Variants in SP140L observed in about 807,000 individuals in gnomAD.
The protein encoded by SP140L is nuclear body protein SP140-like protein.
In SP140L, 64 loss-of-function variants were observed where a neutral mutation model predicts 84.3. The observed-to-expected ratio is 0.76, with a 90% CI of 0.62 to 0.94. The LOEUF (loss-of-function observed/expected upper bound fraction) is 0.94. Ranked by LOEUF, SP140L falls within the 40% of genes least tolerant of loss-of-function variation. The pLI, the probability that SP140L is intolerant of heterozygous loss-of-function variation, is 0.00. For synonymous variants in SP140L, 242 were observed against 236.9 expected (o/e 1.02, Z -0.20); for missense variants, 628 against 692.5 (o/e 0.91, Z 1.05).
chr2:230,346,828 C>T (rs572447665), intron 2 of SP140L, among the ~76,000 whole-genome samples: 4 of 152,138 alleles, frequency 2.6e-5, no homozygotes, highest in South Asian at 2.1e-4. Context: ...TGTAGTTCAC[C>T]GAACTTTTTA....
At chr2:230,389,392 G>A (rs2061711632) in intron 10 of SP140L, among the ~76,000 whole-genome samples, 1 of 152,106 alleles carries the variant, frequency 6.6e-6, no homozygotes, top group African/African-American at 2.4e-5. Flanking sequence ...TCCTTTCTCA[G>A]CTGTGGAGAA....
rs1293722755 is a variant in SP140L at position 230,361,676 on chromosome 2, A to G, written c.502A>G (p.Ile168Val). 6.4e-7 allele frequency: 1 copy of G among 1,561,394 alleles called. No individual in the cohort carries two copies. Among genetic ancestry groups the G allele is most frequent in the Non-Finnish European group, 8.7e-7 (1 of 1,151,670 alleles). Reference sequence around the variant, plus strand: ...AAAAGAAAGGGAAGAGAGGCCTGACATCAAACTAAGTCTTAAACAAGGTAA... The same window carrying G: ...AAAAGAAAGGGAAGAGAGGCCTGACGTCAAACTAAGTCTTAAACAAGGTAA... ...DRKEREERPD[I>V]KLSLKQGEVP... The change falls in exon 5 of 19, where the codon ATC (isoleucine) becomes GTC (valine). Residue 168 changes from isoleucine (I) to valine (V), a missense_variant. Transcript: ENST00000415673.
intron 15 of SP140L, 110 bp from the exon 16 acceptor site, chr2:230,400,845 T>G: frequency 1.3e-6 from 2 of 1,568,340 alleles, no homozygotes; most frequent in Non-Finnish European, 1.7e-6. Flanking sequence ...TTCCCCTCCC[T>G]CCCATGACTG....
intron 13 of SP140L, among the ~76,000 whole-genome samples, chr2:230,395,257 C>A (rs1575548170): frequency 6.6e-6 from 1 of 152,140 alleles, no homozygotes; most frequent in African/African-American, 2.4e-5. Context: ...TACTAAATTC[C>A]AATGGCATTA....
At position 230,396,782 on chromosome 2, in the gene SP140L, G is replaced by T; in HGVS notation, c.1181G>T (p.Ser394Ile). ...AGAATACTGAAGTCTCAAAACAATA[G>T]CTCAGTTGACCCTTGTGTAAGTATA... is the stretch of plus-strand genomic sequence containing the variant. Reference protein sequence around the residue: ...KKRILKSQNNSSVDPCMRNLD... With the variant: ...KKRILKSQNNISVDPCMRNLD... The change falls in exon 14 of 19, where the codon AGC becomes ATC. Residue 394 changes from serine to isoleucine, a missense_variant. By Grantham distance (142) the Ser-to-Ile change is moderately radical. Transcript: ENST00000415673. The T allele has an allele frequency of 6.2e-7, 1 of 1,613,912 alleles. No homozygotes were observed. The highest frequency in any genetic ancestry group is 8.5e-7 in the Non-Finnish European group (1 of 1,179,904).
intron 9 of SP140L, among the ~76,000 whole-genome samples, chr2:230,388,019 G>C (rs1312892103): frequency 6.6e-6 from 1 of 152,152 alleles, no homozygotes; most frequent in East Asian, 1.9e-4. Flanking sequence ...ACCTAATAGG[G>C]TTTCCCTTAA....
intron 2 of SP140L, among the ~76,000 whole-genome samples, chr2:230,334,983 C>G (rs1023270665): frequency 6.6e-5 from 10 of 151,926 alleles, no homozygotes; most frequent in Non-Finnish European, 1.3e-4. Flanking sequence ...AAAGTTGTAT[C>G]GAAATTTCTC....
At chr2:230,385,148 C>A in intron 8 of SP140L, 76 bp from the exon 9 acceptor site, 1 of 1,450,506 alleles carries the variant, frequency 6.9e-7, no homozygotes, top group Admixed American at 1.8e-5. Context: ...AGGACTCCCT[C>A]ACTTGCGTTT....
chr2:230,350,466 G>A (rs957756923), intron 2 of SP140L, among the ~76,000 whole-genome samples: 6 of 152,036 alleles, frequency 3.9e-5, no homozygotes, highest in African/African-American at 9.7e-5. Flanking sequence ...TGTTGTTGTC[G>A]TTTTGCTACT....
intron 8 of SP140L, among the ~76,000 whole-genome samples, chr2:230,384,377 T>C (rs774336238): frequency 1.3e-5 from 2 of 152,192 alleles, no homozygotes; most frequent in Non-Finnish European, 2.9e-5. Flanking sequence ...TTATTTATTT[T>C]AGTCATGGTC....
intron 5 of SP140L, among the ~76,000 whole-genome samples, chr2:230,362,265 C>A (rs1015480236): frequency 5.9e-5 from 9 of 152,154 alleles, no homozygotes; most frequent in African/African-American, 1.7e-4. Context: ...GGTTGTTATG[C>A]ATAACAGGAA....
intron 2 of SP140L, among the ~76,000 whole-genome samples, chr2:230,345,612 T>G (rs71415748): frequency 6.6e-6 from 1 of 151,864 alleles, no homozygotes. Flanking sequence ...TTTTTTCTTG[T>G]GGCATTCCTT....
chr2:230,331,379 C>A (rs1245631545), intron 2 of SP140L, among the ~76,000 whole-genome samples: 1 of 152,154 alleles, frequency 6.6e-6, no homozygotes, highest in African/African-American at 2.4e-5. Flanking sequence ...ATCTTGGAAG[C>A]ATCTGCTGTG....
chr2:230,361,604 C>T lies in SP140L; in HGVS notation c.440-10C>T, dbSNP rs1403509793. The T allele has an allele frequency of 1.9e-6, 3 of 1,553,240 alleles. No homozygotes were observed. Among genetic ancestry groups the T allele is most frequent in the Middle Eastern group, 1.7e-4 (1 of 5,906 alleles). On this transcript the variant is annotated splice_polypyrimidine_tract_variant and intron_variant, in intron 4 of 18. Transcript: ENST00000415673. ...TCTTTAATTGCTTTCTTCTCTCTCC[C>T]ACTCTTCAGCAATCCAAGACAAATT...
At chr2:230,345,681 G>C (rs1046989449) in intron 2 of SP140L, among the ~76,000 whole-genome samples, 2 of 150,342 alleles carry the variant, frequency 1.3e-5, no homozygotes, top group African/African-American at 2.5e-5. Flanking sequence ...TGTGGTTACT[G>C]TGAGGCTTAC....
intron 7 of SP140L, among the ~76,000 whole-genome samples, chr2:230,382,311 A>G (rs2149791551): frequency 6.6e-6 from 1 of 152,258 alleles, no homozygotes; most frequent in Non-Finnish European, 1.5e-5. Flanking sequence ...AGGTGGGAGC[A>G]CTGGAGCAGG....
At chr2:230,399,907 A>G in intron 14 of SP140L, 1 of 415,892 alleles carries the variant, frequency 2.4e-6, no homozygotes, top group Non-Finnish European at 4.4e-6. Context: ...TTTATAAGGA[A>G]AACGTTTTTA....
At chr2:230,353,717 C>A (rs377579225) in intron 2 of SP140L, among the ~76,000 whole-genome samples, 1 of 152,052 alleles carries the variant, frequency 6.6e-6, no homozygotes, top group Non-Finnish European at 1.5e-5. Context: ...CTTTCAGGAT[C>A]ATTTCTTCAT....
rs765144187 is a variant in SP140L at position 230,390,004 on chromosome 2, T to A, written c.945T>A (p.His315Gln). ...GTGGTGGGGTGAAGGGAATTTTACA[T>A]AAGGAGAAATTGGAACAAGGTGGGT... ...VTCGGVKGIL[H>Q]KEKLEQGTLA... The change falls in exon 11 of 19, where the codon CAT becomes CAA. Residue 315 changes from histidine (H) to glutamine (Q), a missense_variant. His to Gln is a conservative substitution (Grantham distance 24). This residue lies in a region of SP140L where 525 missense variants were observed against 518.4 expected (regional missense o/e 1.01). Coordinates refer to ENST00000415673, the MANE Select transcript of SP140L (RefSeq NM_138402.6). The A allele has an allele frequency of 4.4e-5, 71 of 1,613,460 alleles. No individual in the cohort carries two copies. Among genetic ancestry groups the A allele is most frequent in the Admixed American group, 6.7e-5 (4 of 59,942 alleles).
Sources: allele counts gnomAD v4.1 joint callset (sites outside exome capture counted in the v4.1 genomes callset), GRCh38; gene constraint gnomAD v4.1.1; regional missense constraint gnomAD v4.1.1; transcripts MANE v1.5; gene names NCBI Gene and HGNC (gene_info 2026-07-23, HGNC 2026-07-21).